The following NCOA6 variants were observed in gnomAD, a reference collection of about 807,000 sequenced individuals.
The protein encoded by NCOA6 is NRC RAP250.
NCOA6 carries 49 observed loss-of-function variants against 171.4 expected under a neutral mutation model. That is an observed-to-expected ratio of 0.29 (90% CI 0.23 to 0.36). NCOA6 has a LOEUF of 0.36. Ranked by LOEUF, NCOA6 falls within the 10% of genes least tolerant of loss-of-function variation. NCOA6 has a pLI of 1.00. For missense variants in NCOA6, 2,248 were observed against 2,554.5 expected, an observed-to-expected ratio of 0.88 and a Z score of 2.59; for synonymous variants, 910 against 927.5, an observed-to-expected ratio of 0.98 and a Z score of 0.34.
chr20:34,730,125 G>A (rs559099930), intron 13 of NCOA6, among the ~76,000 whole-genome samples: 28 of 151,950 alleles, frequency 1.8e-4, no homozygotes, highest in African/African-American at 6.5e-4. Context: ...TGGGGTGTGG[G>A]TAGTGCAATC....
At chr20:34,814,774 G>A (rs1387270257) in intron 1 of NCOA6, among the ~76,000 whole-genome samples, 1 of 151,960 alleles carries the variant, frequency 6.6e-6, no homozygotes, top group Non-Finnish European at 1.5e-5. Context: ...GTATTTTTAG[G>A]AGAGACGGGG....
intron 4 of NCOA6, among the ~76,000 whole-genome samples, chr20:34,770,737 C>T (rs1339725064): frequency 6.6e-6 from 1 of 151,820 alleles, no homozygotes; most frequent in Non-Finnish European, 1.5e-5. Flanking sequence ...TCAAGCGATT[C>T]TCCTACCTCA....
chr20:34,737,217 A>G (rs1041473071), intron 11 of NCOA6, among the ~76,000 whole-genome samples: 2 of 152,248 alleles, frequency 1.3e-5, no homozygotes, highest in Non-Finnish European at 2.9e-5. Context: ...ATAATTTTGT[A>G]CTTTTCTATA....
At position 34,762,107 on chromosome 20, in the gene NCOA6, T is replaced by G. The variant is rs899980860; in HGVS notation, c.515-3174A>C. 6.6e-5 allele frequency among the ~76,000 whole-genome samples: 10 copies of G among 152,374 alleles called. No homozygotes were observed. The East Asian group carries it at 1.9e-3, about 29-fold the overall frequency. The stretch of plus-strand genomic sequence containing the variant: ...AGGTTTGCTGTTTACATGCAATTCT[T>G]AAATGTCTTGAGGCTAGGTTGTTAA... On this transcript the variant is annotated intron_variant, in intron 5 of 14. Coordinates refer to ENST00000359003, the MANE Select transcript of NCOA6 (RefSeq NM_014071.5).
intron 7 of NCOA6, among the ~76,000 whole-genome samples, chr20:34,756,310 A>G (rs1453903653): frequency 6.6e-6 from 1 of 152,246 alleles, no homozygotes; most frequent in Non-Finnish European, 1.5e-5. Flanking sequence ...ATTAATTACA[A>G]GAGAGTAAAA....
chr20:34,816,270 C>A (rs1205162766), intron 1 of NCOA6, among the ~76,000 whole-genome samples: 3 of 152,274 alleles, frequency 2.0e-5, no homozygotes, highest in Non-Finnish European at 4.4e-5. Context: ...CCAATCCCAT[C>A]CCTGCCAAAT....
At chr20:34,808,673 G>A (rs1453740825) in intron 1 of NCOA6, among the ~76,000 whole-genome samples, 2 of 152,090 alleles carry the variant, frequency 1.3e-5, no homozygotes, top group Admixed American at 6.6e-5. Flanking sequence ...CCTGACCTCA[G>A]GTGATCCGCC....
rs749434037 is a variant in NCOA6, at chr20:34,741,856, G to A, written c.4400C>T (p.Pro1467Leu). The change falls in exon 11 of 15, where the codon CCT becomes CTT. Residue 1467 changes from proline (P) to leucine (L), a missense_variant. By Grantham distance (98) the Pro-to-Leu change is moderately conservative (BLOSUM62 -3). This residue lies in a region of NCOA6 where 884 missense variants were observed against 941.9 expected (regional missense o/e 0.94). Transcript: ENST00000359003. ...QSKKDGQPSD[P>L]NKLPSVEENK... ...CTCTTCGACACTGGGAAGTTTGTTA[G>A]GATCCGAAGGCTGCCCATCCTTTTT... The A allele has an allele frequency of 6.2e-7, 1 of 1,614,174 alleles. No individual in the cohort carries two copies. Among genetic ancestry groups the A allele is most frequent in the Non-Finnish European group, 8.5e-7 (1 of 1,180,028 alleles).
intron 13 of NCOA6, among the ~76,000 whole-genome samples, chr20:34,729,376 G>A (rs143466591): frequency 6.6e-6 from 1 of 152,124 alleles, no homozygotes; most frequent in Non-Finnish European, 1.5e-5. Context: ...TTACTGGTGA[G>A]TTATTTTCTT....
intron 14 of NCOA6, among the ~76,000 whole-genome samples, chr20:34,715,766 T>A (rs1212279434): frequency 6.6e-6 from 1 of 152,142 alleles, no homozygotes. Flanking sequence ...GTAAATTCTG[T>A]TAGAATGCAA....
At chr20:34,822,211 C>A (rs2079028059) in intron 1 of NCOA6, among the ~76,000 whole-genome samples, 1 of 152,140 alleles carries the variant, frequency 6.6e-6, no homozygotes, top group South Asian at 2.1e-4. Flanking sequence ...AGAAATTAAA[C>A]CTCCACCACA....
chr20:34,796,549 G>A (rs1485036076), intron 1 of NCOA6, among the ~76,000 whole-genome samples: 2 of 152,120 alleles, frequency 1.3e-5, no homozygotes, highest in African/African-American at 2.4e-5. Flanking sequence ...TTGAGCCCGG[G>A]AGGCAGAGAT....
chr20:34,763,673 GC>G (rs2076883968), intron 5 of NCOA6, among the ~76,000 whole-genome samples: 2 of 152,140 alleles, frequency 1.3e-5, no homozygotes, highest in Admixed American at 1.3e-4. Flanking sequence ...TAATGACTTA[GC>G]CTGGCTATTA....
rs1436644259 is a variant in NCOA6 at position 34,742,503 on chromosome 20, G to A, written c.3753C>T (p.Leu1251=). The A allele has an allele frequency of 6.2e-7, 1 of 1,614,192 alleles. No homozygotes were observed. Among genetic ancestry groups the A allele is most frequent in the African/African-American group, 1.3e-5 (1 of 75,040 alleles). Residue 1251 remains leucine (L), a synonymous_variant, in exon 11 of 15, where the codon CTC becomes CTT. Coordinates refer to ENST00000359003, the MANE Select transcript of NCOA6 (RefSeq NM_014071.5). The stretch of plus-strand genomic sequence containing the variant: ...AAGGAATATTAATCTGTGGAGGGAA[G>A]AGTCCTGCTATGGAGGCATTGAGTC... ...PERLNASIAG[L]FPPQINIPLP... is the part of the protein sequence containing the mutation.
rs60649247 is a variant in NCOA6, at chr20:34,733,850, CAAAAAAAAAAAAAAA to C, written c.5963-1270_5963-1256del. ...CTGGTGACAGAGCAAGACTCTGTCCCAAAAAAAAAAAAAAAAAAAAAAAAAAAAGGAAGGGAATCT... is the reference window on the plus strand; with the variant it reads ...CTGGTGACAGAGCAAGACTCTGTCCCAAAAAAAAAAAAAGGAAGGGAATCT... On this transcript the variant is annotated intron_variant, in intron 12 of 14. Coordinates refer to ENST00000359003, the MANE Select transcript of NCOA6 (RefSeq NM_014071.5). 4.4e-3 allele frequency among the ~76,000 whole-genome samples: 195 copies of C among 44,428 alleles called. 1 individual carries two copies. The highest frequency in any genetic ancestry group is 0.018 in the African/African-American group (188 of 10,394). The allele number at this position is 44,428 out of a possible 152,430, so 29.1% of individuals were successfully genotyped here. A position where few individuals can be genotyped will look rare whatever the true frequency, so the allele number is the denominator to read the frequency against.
chr20:34,741,148 G>T lies in NCOA6; in HGVS notation c.5108C>A (p.Pro1703His). ...SVAVVGPLHI[P>H]QNIKFSSAPV... Reference sequence around the variant, plus strand: ...AGCAGAAGAAAATTTTATGTTCTGAGGTATGTGTAAAGGGCCAACAACTGC... The same window carrying T: ...AGCAGAAGAAAATTTTATGTTCTGATGTATGTGTAAAGGGCCAACAACTGC... The change falls in exon 11 of 15, where the codon CCT becomes CAT. Residue 1703 changes from proline (P) to histidine (H), a missense_variant. Physicochemically the swap from Pro to His is moderately conservative, Grantham distance 77. This residue lies in a region of NCOA6 where 884 missense variants were observed against 941.9 expected (regional missense o/e 0.94). Transcript: ENST00000359003. The T allele has an allele frequency of 6.2e-7, 1 of 1,614,246 alleles. No individual in the cohort carries two copies. Among genetic ancestry groups the T allele is most frequent in the Non-Finnish European group, 8.5e-7 (1 of 1,180,056 alleles).
chr20:34,746,252 GTTT>G (rs111754287), intron 10 of NCOA6, among the ~76,000 whole-genome samples: 5 of 136,558 alleles, frequency 3.7e-5, no homozygotes, highest in East Asian at 2.1e-4. Flanking sequence ...ACATTTCATG[GTTT>G]TTTTTTTTTT....
At chr20:34,766,124 C>T (rs972418506) in intron 5 of NCOA6, among the ~76,000 whole-genome samples, 1 of 152,072 alleles carries the variant, frequency 6.6e-6, no homozygotes, top group Non-Finnish European at 1.5e-5. Context: ...GAAAAGCAAT[C>T]CTAAAATATG....
intron 1 of NCOA6, among the ~76,000 whole-genome samples, chr20:34,811,201 GTATATATATATATATATATATATATATA>G (rs10700283): frequency 7.4e-5 from 4 of 53,798 alleles, no homozygotes; most frequent in Non-Finnish European, 1.5e-4. Context: ...ACAACAACGT[GTATATATATATATATATATATATATATA>G]TATATATGCT....
Sources: gnomAD v4.1 joint callset for allele counts (sites outside exome capture counted in the v4.1 genomes callset) on GRCh38, gnomAD v4.1.1 for gene constraint, gnomAD v4.1.1 regional missense constraint, MANE v1.5 for transcripts, NCBI Gene and HGNC (gene_info 2026-07-23, HGNC 2026-07-21) for gene names.